The following CAB39L variants were observed in gnomAD, a reference collection of about 807,000 sequenced individuals.
CAB39L encodes calcium binding protein 39 like.
Under a neutral mutation model 39.1 loss-of-function variants are expected in CAB39L, and 23 were observed. The observed-to-expected ratio is 0.59, with a 90% confidence interval of 0.42 to 0.83. CAB39L has a LOEUF of 0.83. Ranked by LOEUF, CAB39L falls within the 40% of genes least tolerant of loss-of-function variation. The probability of loss-of-function intolerance (pLI) is 0.00; values close to 1 mark genes in which losing one functional copy is unlikely to be tolerated. For missense variants in CAB39L, 366 were observed against 391.9 expected, an observed-to-expected ratio of 0.93 and a Z score of 0.56; for synonymous variants, 126 against 137.2, an observed-to-expected ratio of 0.92 and a Z score of 0.57.
At chr13:49,346,085 T>C (rs1593955963) in intron 7 of CAB39L, among the ~76,000 whole-genome samples, 1 of 120,126 alleles carries the variant, frequency 8.3e-6, no homozygotes, top group Admixed American at 9.2e-5. Flanking sequence ...GATATATATA[T>C]ATATATATAT....
intron 3 of CAB39L, among the ~76,000 whole-genome samples, chr13:49,385,437 CTTA>C (rs1956336696): frequency 2.6e-5 from 4 of 152,128 alleles, no homozygotes; most frequent in Non-Finnish European, 5.9e-5. Flanking sequence ...GTTTTGTTTT[CTTA>C]TTATTTGTGT....
rs201040016 is a variant in CAB39L, at chr13:49,444,023, G to A, written c.-283C>T. The A allele has an allele frequency of 8.8e-6, 4 of 456,488 alleles. No homozygotes were observed. The highest frequency in any genetic ancestry group is 1.8e-5 in the Non-Finnish European group (4 of 226,882). The allele number at this position is 456,488 out of a possible 1,614,324, so 28.3% of individuals were successfully genotyped here. A position where few individuals can be genotyped will look rare whatever the true frequency, so the allele number is the denominator to read the frequency against. On this transcript the variant is annotated 5_prime_UTR_variant, in exon 1 of 11. Coordinates refer to ENST00000409308, the MANE Select transcript of CAB39L (RefSeq NM_001079670.3). ...CTGCGCCACCACTCCAGTGATGCCG[G>A]CCTCTCGACTACGAGTAACTCCATT... is the stretch of plus-strand genomic sequence containing the variant.
intron 3 of CAB39L, among the ~76,000 whole-genome samples, chr13:49,404,997 C>A (rs9316446): frequency 0.38 from 56,928 of 151,780 alleles, 11,252 homozygotes; most frequent in Middle Eastern, 0.51. Flanking sequence ...AGAGAGAGAT[C>A]GGGGTAGAGA....
chr13:49,370,047 G>T (rs759650436), intron 5 of CAB39L, among the ~76,000 whole-genome samples: 8 of 152,124 alleles, frequency 5.3e-5, no homozygotes, highest in Non-Finnish European at 1.2e-4. Flanking sequence ...CTGGTGTGTT[G>T]CGGGGGAGTT....
chr13:49,404,163 C>T (rs1414174673), intron 3 of CAB39L, among the ~76,000 whole-genome samples: 1 of 152,076 alleles, frequency 6.6e-6, no homozygotes, highest in Non-Finnish European at 1.5e-5. Context: ...CATCCCTCCC[C>T]GAACTGTAGG....
chr13:49,372,695 G>A (rs1955953172), intron 5 of CAB39L, among the ~76,000 whole-genome samples: 3 of 152,090 alleles, frequency 2.0e-5, no homozygotes. Context: ...TTTGGAGATG[G>A]AGTCTCGCTC....
At chr13:49,438,396 T>G (rs1165760883) in intron 1 of CAB39L, among the ~76,000 whole-genome samples, 1 of 152,254 alleles carries the variant, frequency 6.6e-6, no homozygotes, top group Non-Finnish European at 1.5e-5. Flanking sequence ...AAAATATATT[T>G]GATTTGCTCA....
intron 1 of CAB39L, among the ~76,000 whole-genome samples, chr13:49,443,707 A>G (rs1957590185): frequency 6.6e-6 from 1 of 152,076 alleles, no homozygotes; most frequent in South Asian, 2.1e-4. Flanking sequence ...CCCCACAATG[A>G]TCAACAAACC....
At chr13:49,390,216 T>C (rs1956457955) in intron 3 of CAB39L, among the ~76,000 whole-genome samples, 1 of 152,136 alleles carries the variant, frequency 6.6e-6, no homozygotes, top group Non-Finnish European at 1.5e-5. Flanking sequence ...TCTTATTCTG[T>C]ACATTTCCTA....
At chr13:49,408,191 G>A (rs1956922211) in intron 3 of CAB39L, among the ~76,000 whole-genome samples, 1 of 152,116 alleles carries the variant, frequency 6.6e-6, no homozygotes, top group African/African-American at 2.4e-5. Flanking sequence ...AATAGGTTTG[G>A]CAACTGAAAA....
chr13:49,424,669 G>A (rs1306645764), intron 3 of CAB39L, among the ~76,000 whole-genome samples: 2 of 152,046 alleles, frequency 1.3e-5, no homozygotes, highest in Admixed American at 6.5e-5. Context: ...CACCATCTTC[G>A]CAATTTTTCT....
chr13:49,395,360 C>T (rs1428402598), intron 3 of CAB39L, among the ~76,000 whole-genome samples: 2 of 151,676 alleles, frequency 1.3e-5, no homozygotes, highest in Non-Finnish European at 2.9e-5. Flanking sequence ...CTCAGCCTCC[C>T]GAGTAGCTGG....
intron 3 of CAB39L, among the ~76,000 whole-genome samples, chr13:49,426,894 C>G (rs1957253656): frequency 6.6e-6 from 1 of 152,194 alleles, no homozygotes; most frequent in Admixed American, 6.5e-5. Context: ...CAACTACGAA[C>G]TTATGAAGGT....
chr13:49,430,439 A>G lies in CAB39L; in HGVS notation c.-32+2879T>C, dbSNP rs34148274. 1.5e-3 allele frequency among the ~76,000 whole-genome samples: 228 copies of G among 152,306 alleles called. 1 individual carries two copies. The highest frequency in any genetic ancestry group is 2.9e-3 in the Non-Finnish European group (194 of 68,022). On this transcript the variant is annotated intron_variant, in intron 3 of 10. Coordinates refer to ENST00000409308, the MANE Select transcript of CAB39L (RefSeq NM_001079670.3). ...AATTGAAAGTGCTCTAACATTATCT[A>G]TTTTAGAAGACAAATGGGTCATTCA...
At chr13:49,439,921 G>GTTTTTTTTTTTTTTTTTTTTTTT (rs34993624) in intron 1 of CAB39L, among the ~76,000 whole-genome samples, 2 of 78,538 alleles carry the variant, frequency 2.5e-5, no homozygotes, top group African/African-American at 4.7e-5. Context: ...TTTTTAATGG[G>GTTTTTTTTTTTTTTTTTTTTTTT]TTTTTTTTTT....
At chr13:49,346,097 C>CTATATATATATATATATATATATATA (rs1955153735) in intron 7 of CAB39L, among the ~76,000 whole-genome samples, 1 of 8,682 alleles carries the variant, frequency 1.2e-4, no homozygotes, top group Non-Finnish European at 2.7e-4. Context: ...TATATATATG[C>CTATATATATATATATATATATATATA]TAGATATATA....
chr13:49,331,462 T>A (rs1208442659), intron 10 of CAB39L, among the ~76,000 whole-genome samples: 1 of 151,988 alleles, frequency 6.6e-6, no homozygotes, highest in Non-Finnish European at 1.5e-5. Flanking sequence ...TGAGACTCCA[T>A]CTCAAAACAA....
At chr13:49,412,366 A>T (rs943246383) in intron 3 of CAB39L, among the ~76,000 whole-genome samples, 7 of 13,320 alleles carry the variant, frequency 5.3e-4, no homozygotes, top group African/African-American at 2.0e-3. Flanking sequence ...TTTGCCATTT[A>T]AAAAAAAAAA....
rs1412775232 is a variant in CAB39L, at chr13:49,396,971, T to C, written c.-31-14030A>G. Among the ~76,000 whole-genome samples the C allele has an allele frequency of 2.6e-5, 4 of 152,228 alleles. No individual in the cohort carries two copies. In the East Asian group the frequency reaches 7.7e-4, roughly 29 times the overall value. ...AAAAAAGTGCACCTTAAAGTTCTAC[T>C]GTATTTGCTACTGTATCCAAGAAGA... is the stretch of plus-strand genomic sequence containing the variant. On this transcript the variant is annotated intron_variant, in intron 3 of 10. Coordinates refer to ENST00000409308, the MANE Select transcript of CAB39L (RefSeq NM_001079670.3).
Sources: allele counts gnomAD v4.1 joint callset (sites outside exome capture counted in the v4.1 genomes callset), GRCh38; gene constraint gnomAD v4.1.1; transcripts MANE v1.5; gene names NCBI Gene and HGNC (gene_info 2026-07-23, HGNC 2026-07-21).